PCNX4: variants seen among roughly 807,000 people sequenced by gnomAD.
The protein encoded by PCNX4 is pecanex 4.
In PCNX4, 103 loss-of-function variants were observed where a neutral mutation model predicts 107.2. The observed-to-expected ratio is 0.96, with a 90% CI of 0.82 to 1.13. The LOEUF is 1.13. Ranked by LOEUF, PCNX4 falls within the 50% of genes most tolerant of loss-of-function variation. PCNX4 has a pLI of 0.00. For synonymous variants in PCNX4, 541 were observed against 481.7 expected (o/e 1.12, Z -1.61); for missense variants, 1,528 against 1,379.4 (o/e 1.11, Z -1.71).
rs192545070 is a variant in PCNX4 at position 60,145,296 on chromosome 14, A to C, written c.*11075A>C. 2.3e-4 allele frequency: 58 copies of C among 248,944 alleles called. No individual in the cohort carries two copies. The East Asian group carries it at 4.6e-3, about 20-fold the overall frequency. 15.4% of individuals were successfully genotyped at this position (248,944 alleles called of 1,614,324 possible). Reference sequence around the variant, plus strand: ...TTCTCTATAATGACTTTTCTGGATCAGCATATCATACCTACACTGACTTGC... The same window carrying C: ...TTCTCTATAATGACTTTTCTGGATCCGCATATCATACCTACACTGACTTGC... On this transcript the variant is annotated 3_prime_UTR_variant, in exon 11 of 11. Coordinates refer to ENST00000406854, the MANE Select transcript of PCNX4 (RefSeq NM_001330177.2). This position sits in a 1 kb window ranked among gnomAD's most constrained non-coding sequence, Gnocchi z 4.0.
intron 1 of PCNX4, among the ~76,000 whole-genome samples, chr14:60,105,722 A>T (rs911308968): frequency 2.0e-5 from 3 of 152,244 alleles, no homozygotes; most frequent in African/African-American, 4.8e-5. Context: ...AAATACTAAA[A>T]GGGAAATGAA....
chr14:60,115,200 G>T lies in PCNX4; in HGVS notation c.1096G>T (p.Ala366Ser). ...CLFYIIILVLALLETSLLHHF... is the reference protein window; with the variant it reads ...CLFYIIILVLSLLETSLLHHF... ...TTTCTACATCATTATATTAGTCTTGGCTCTTTTAGAAACTAGCTTGCTTCA... is the reference window on the plus strand; with the variant it reads ...TTTCTACATCATTATATTAGTCTTGTCTCTTTTAGAAACTAGCTTGCTTCA... Residue 366 changes from alanine to serine, a missense_variant, in exon 4 of 11, where the codon GCT becomes TCT. Ala to Ser is a moderately conservative substitution (Grantham distance 99). Coordinates refer to ENST00000406854, the MANE Select transcript of PCNX4 (RefSeq NM_001330177.2). The T allele has an allele frequency of 6.2e-7, 1 of 1,613,530 alleles. No individual in the cohort carries two copies. Among genetic ancestry groups the T allele is most frequent in the Non-Finnish European group, 8.5e-7 (1 of 1,179,594 alleles).
At position 60,092,141 on chromosome 14, in the gene PCNX4, C is replaced by G. The variant is rs1185715791; in HGVS notation, c.-332C>G. The G allele has an allele frequency of 6.6e-6, 1 of 152,354 alleles. No individual in the cohort carries two copies. Among genetic ancestry groups the G allele is most frequent in the East Asian group, 1.9e-4 (1 of 5,198 alleles). The allele number at this position is 152,354 out of a possible 1,614,324, so 9.4% of individuals were successfully genotyped here. ...GGCCCGCCTCGGGAGCGAGCACAGA[C>G]CGGGGCAGCGAGGCCAGCCAGGCGC... On this transcript the variant is annotated 5_prime_UTR_variant, in exon 1 of 11. Transcript: ENST00000406854.
intron 10 of PCNX4, 106 bp downstream of exon 10, chr14:60,125,929 A>G (rs1896047906): frequency 2.7e-6 from 2 of 745,474 alleles, no homozygotes; most frequent in Non-Finnish European, 3.8e-6. Flanking sequence ...TATAGCTGTG[A>G]TATATTAATT....
rs1896323937 is a variant in PCNX4 at position 60,142,964 on chromosome 14, C to T, written c.*8743C>T. 2 of 151,230 alleles carry T rather than the reference C, an allele frequency of 1.3e-5. No homozygotes were observed. The highest frequency in any genetic ancestry group is 2.9e-5 in the Non-Finnish European group (2 of 67,930). 9.4% of individuals were successfully genotyped at this position (151,230 alleles called of 1,614,324 possible). On this transcript the variant is annotated 3_prime_UTR_variant, in exon 11 of 11. Transcript: ENST00000406854. This position sits in a 1 kb window ranked among gnomAD's most constrained non-coding sequence, Gnocchi z 4.7. ...GGGCGACACAGTAAGACTCCATCTC[C>T]AAAAGAAAGAAAGAAAGAAAGAAAA...
Position 60,134,286 on chromosome 14 carries a change from T to C in PCNX4, c.*65T>C, listed in dbSNP as rs1896209213. The C allele has an allele frequency of 1.9e-6, 3 of 1,555,258 alleles. No homozygotes were observed. Among genetic ancestry groups the C allele is most frequent in the East Asian group, 4.5e-5 (2 of 44,576 alleles). ...TATTTTTTCATCCTAAAAAAGTAAC[T>C]GTGATTCTTGTAACTTGAGGACTTC... On this transcript the variant is annotated 3_prime_UTR_variant, in exon 11 of 11. Transcript: ENST00000406854.
intron 10 of PCNX4, among the ~76,000 whole-genome samples, chr14:60,130,606 C>T (rs887950528): frequency 8.6e-5 from 13 of 151,936 alleles, no homozygotes; most frequent in Admixed American, 2.6e-4. Flanking sequence ...ATGTACGCCC[C>T]GAATTTATAT....
At chr14:60,130,691 G>T (rs1011505540) in intron 10 of PCNX4, among the ~76,000 whole-genome samples, 1 of 152,136 alleles carries the variant, frequency 6.6e-6, no homozygotes, top group Non-Finnish European at 1.5e-5. Flanking sequence ...GCTAATAATT[G>T]CACAAAGGAA....
chr14:60,106,212 C>T (rs768484616), intron 1 of PCNX4, among the ~76,000 whole-genome samples: 1 of 152,056 alleles, frequency 6.6e-6, no homozygotes, highest in Non-Finnish European at 1.5e-5. Context: ...GTTCCAGGAC[C>T]TCCCTCATAT....
At chr14:60,121,325 A>G in intron 8 of PCNX4, 26 bp downstream of exon 8, 1 of 1,598,380 alleles carries the variant, frequency 6.3e-7, no homozygotes, top group Middle Eastern at 1.7e-4. Flanking sequence ...AAACATCTGT[A>G]GTATTTTTAT....
intron 6 of PCNX4, among the ~76,000 whole-genome samples, chr14:60,117,184 T>A (rs770789956): frequency 1.5e-4 from 23 of 152,174 alleles, no homozygotes; most frequent in Non-Finnish European, 3.1e-4. Context: ...TATAGTAATG[T>A]CCTAGGACTT....
In PCNX4 at chr14:60,121,386, G is replaced by A. The variant is rs1286476790; in HGVS notation, c.2046+87G>A. The A allele has an allele frequency of 6.7e-6, 9 of 1,343,828 alleles. No individual in the cohort carries two copies. In the Admixed American group the frequency reaches 2.1e-4, roughly 31 times the overall value. The allele number at this position is 1,343,828 out of a possible 1,614,324, so 83.2% of individuals were successfully genotyped here. On this transcript the variant is annotated intron_variant, in intron 8 of 10. Coordinates refer to ENST00000406854, the MANE Select transcript of PCNX4 (RefSeq NM_001330177.2). The stretch of plus-strand genomic sequence containing the variant: ...TATGTTCACATCAAACACTCAATTT[G>A]AAAGAAGAATATCTTTTCAATTACC...
At chr14:60,122,086 C>T (rs1170568857) in intron 8 of PCNX4, among the ~76,000 whole-genome samples, 1 of 152,130 alleles carries the variant, frequency 6.6e-6, no homozygotes, top group East Asian at 1.9e-4. Flanking sequence ...TACTCCCACG[C>T]CCAGTCCGAC....
rs766825054 is a variant in PCNX4 at position 60,115,237 on chromosome 14, G to A, written c.1133G>A (p.Gly378Asp). The change falls in exon 4 of 11, where the codon GGC becomes GAC. Residue 378 changes from glycine (G) to aspartate (D), a missense_variant. Physicochemically the swap from Gly to Asp is moderately conservative, Grantham distance 94. Transcript: ENST00000406854. ...ACTAGCTTGCTTCATCACTTTGCTGGCTTCTCACAGATTTCTAAAAGCAAT... is the reference window on the plus strand; with the variant it reads ...ACTAGCTTGCTTCATCACTTTGCTGACTTCTCACAGATTTCTAAAAGCAAT... ...LETSLLHHFA[G>D]FSQISKSNSQ... is the part of the protein sequence containing the mutation. 1.2e-6 allele frequency: 2 copies of A among 1,612,994 alleles called. No homozygotes were observed. The highest frequency in any genetic ancestry group is 8.5e-7 in the Non-Finnish European group (1 of 1,179,208).
intron 1 of PCNX4, among the ~76,000 whole-genome samples, chr14:60,097,363 C>G (rs557393003): frequency 6.6e-6 from 1 of 152,162 alleles, no homozygotes; most frequent in African/African-American, 2.4e-5. Context: ...CCCAAAGGAA[C>G]GTCCTAAATA....
Position 60,144,737 on chromosome 14 carries a change from A to G in PCNX4, c.*10516A>G, listed in dbSNP as rs77784211. The G allele has an allele frequency of 9.6e-4, 449 of 468,792 alleles. 1 individual carries two copies. Among genetic ancestry groups the G allele is most frequent in the Non-Finnish European group, 1.5e-3 (398 of 269,838 alleles). 29.0% of individuals were successfully genotyped at this position (468,792 alleles called of 1,614,324 possible). A position where few individuals can be genotyped will look rare whatever the true frequency, so the allele number is the denominator to read the frequency against. ...TTAAGCATATGTGCTAAAGTATTTT[A>G]AAAGGTTATTTTATCCAAGAATATA... On this transcript the variant is annotated 3_prime_UTR_variant, in exon 11 of 11. Transcript: ENST00000406854.
In PCNX4 at chr14:60,137,140, A is replaced by G. The variant is rs1896249653; in HGVS notation, c.*2919A>G. The G allele has an allele frequency of 6.6e-6, 1 of 152,238 alleles. No homozygotes were observed. The highest frequency in any genetic ancestry group is 2.4e-5 in the African/African-American group (1 of 41,468). The allele number at this position is 152,238 out of a possible 1,614,324, so 9.4% of individuals were successfully genotyped here. ...AAAGACAGTGAAGAATAACATCACT[A>G]AGATCTAAGACAGAATGAAACTTAG... On this transcript the variant is annotated 3_prime_UTR_variant, in exon 11 of 11. Transcript: ENST00000406854.
chr14:60,114,951 TTTTC>T lies in PCNX4; in HGVS notation c.870-19_870-16del. On this transcript the variant is annotated intron_variant, in intron 3 of 10. Coordinates refer to ENST00000406854, the MANE Select transcript of PCNX4 (RefSeq NM_001330177.2). Reference sequence around the variant, plus strand: ...CATTTTTCTTTTCAAGTAAATATTTTTTTCTTTTTTTTTTCTGTACAGGTTATTA... The same window carrying T: ...CATTTTTCTTTTCAAGTAAATATTTTTTTTTTTTTTCTGTACAGGTTATTA... 6.9e-7 allele frequency: 1 copy of T among 1,452,514 alleles called. No homozygotes were observed. The highest frequency in any genetic ancestry group is 9.0e-7 in the Non-Finnish European group (1 of 1,105,258). 90.0% of individuals were successfully genotyped at this position (1,452,514 alleles called of 1,614,324 possible).
intron 1 of PCNX4, among the ~76,000 whole-genome samples, chr14:60,095,184 A>G (rs1028556122): frequency 2.0e-5 from 3 of 152,148 alleles, no homozygotes; most frequent in Non-Finnish European, 2.9e-5. Context: ...GAAGTACACA[A>G]TTGTCATGTA....
Sources: gnomAD v4.1 joint callset for allele counts (sites outside exome capture counted in the v4.1 genomes callset) on GRCh38, gnomAD v4.1.1 for gene constraint, Gnocchi (gnomAD v3.1) non-coding constraint, MANE v1.5 for transcripts, NCBI Gene and HGNC (gene_info 2026-07-23, HGNC 2026-07-21) for gene names.